Variants in GABRB2 observed in about 807,000 individuals in gnomAD.
The protein encoded by GABRB2 is gamma-aminobutyric acid receptor subunit beta-2.
In GABRB2, 16 loss-of-function variants were observed where a neutral mutation model predicts 54.7. The ratio of observed to expected loss-of-function variants is 0.29; its 90% confidence interval spans 0.20 to 0.44. The LOEUF is 0.44. Ranked by LOEUF, GABRB2 falls within the 20% of genes least tolerant of loss-of-function variation. GABRB2 has a pLI of 1.00. For missense variants in GABRB2, 355 were observed against 644.0 expected (o/e 0.55, Z 4.86); for synonymous variants, 244 against 233.8 (o/e 1.04, Z -0.40).
chr5:161,420,300 G>A (rs1364094095), intron 4 of GABRB2, among the ~76,000 whole-genome samples: 1 of 152,188 alleles, frequency 6.6e-6, no homozygotes, highest in African/African-American at 2.4e-5. Context: ...GACAGCCTCA[G>A]CTGGGTCTCT....
chr5:161,352,396 C>T (rs1454793215), intron 5 of GABRB2, among the ~76,000 whole-genome samples: 1 of 151,872 alleles, frequency 6.6e-6, no homozygotes, highest in African/African-American at 2.4e-5. Context: ...AAAATCCTGT[C>T]ATTTGCGACA....
chr5:161,311,095 T>C (rs574446796), intron 9 of GABRB2, among the ~76,000 whole-genome samples: 99 of 152,276 alleles, frequency 6.5e-4, no homozygotes, highest in African/African-American at 2.3e-3. Flanking sequence ...AATGCCCTCA[T>C]GTAAGTCCCC....
intron 4 of GABRB2, among the ~76,000 whole-genome samples, chr5:161,415,532 A>G (rs1756638123): frequency 6.6e-6 from 1 of 152,224 alleles, no homozygotes; most frequent in Non-Finnish European, 1.5e-5. Context: ...TACCAAAGCC[A>G]TACGAAATAT....
At chr5:161,538,315 T>C (rs1760705591) in intron 3 of GABRB2, among the ~76,000 whole-genome samples, 1 of 152,150 alleles carries the variant, frequency 6.6e-6, no homozygotes, top group Admixed American at 6.5e-5. Flanking sequence ...ATGTAATTTA[T>C]AAACATGATG....
At chr5:161,409,419 T>A (rs1206085362) in intron 5 of GABRB2, among the ~76,000 whole-genome samples, 1 of 152,134 alleles carries the variant, frequency 6.6e-6, no homozygotes, top group African/African-American at 2.4e-5. Flanking sequence ...AGAAAAACAC[T>A]TGGGTGTTGC....
chr5:161,330,108 T>C (rs1016025366), intron 8 of GABRB2: 2 of 152,220 alleles, frequency 1.3e-5, no homozygotes, highest in Non-Finnish European at 2.9e-5. Flanking sequence ...TTCAGTATTT[T>C]TTTTTAATCT....
chr5:161,502,321 A>G (rs1759469534), intron 3 of GABRB2, among the ~76,000 whole-genome samples: 1 of 152,114 alleles, frequency 6.6e-6, no homozygotes, highest in South Asian at 2.1e-4. Flanking sequence ...TACTTTCATT[A>G]TTTAATATAC....
intron 3 of GABRB2, among the ~76,000 whole-genome samples, chr5:161,500,961 T>C (rs1306560767): frequency 6.6e-6 from 1 of 152,000 alleles, no homozygotes; most frequent in Non-Finnish European, 1.5e-5. Flanking sequence ...ATTAAGCATA[T>C]CTCCCAATGC....
At chr5:161,459,093 G>A (rs186735843) in intron 4 of GABRB2, 2 of 154,786 alleles carry the variant, frequency 1.3e-5, no homozygotes, top group Admixed American at 6.3e-5. Flanking sequence ...GAGTATCACA[G>A]TTATTTCCTG....
chr5:161,455,777 C>T lies in GABRB2; in HGVS notation c.458+3847G>A, dbSNP rs374989273. On this transcript the variant is annotated intron_variant, in intron 4 of 9. Transcript: ENST00000393959. ...TGAACTCCTGAGGTCAAGCAATCTG[C>T]CCACCTCAGCCTCCCAAAGTGCTGA... Among the ~76,000 whole-genome samples, 131 of 152,142 alleles carry T rather than the reference C, an allele frequency of 8.6e-4. 1 individual carries two copies. The South Asian group carries it at 0.026, about 30-fold the overall frequency.
chr5:161,296,506 T>C (rs1201392628), intron 9 of GABRB2, among the ~76,000 whole-genome samples: 1 of 152,236 alleles, frequency 6.6e-6, no homozygotes, highest in South Asian at 2.1e-4. Context: ...TTGGCAGCTA[T>C]GGATTCCTAT....
At chr5:161,472,427 C>T (rs576978051) in intron 3 of GABRB2, among the ~76,000 whole-genome samples, 15 of 151,446 alleles carry the variant, frequency 9.9e-5, no homozygotes, top group South Asian at 2.1e-4. Context: ...CACACATACA[C>T]GCACACACAC....
chr5:161,315,337 T>G (rs1757991005), intron 9 of GABRB2, among the ~76,000 whole-genome samples: 1 of 152,138 alleles, frequency 6.6e-6, no homozygotes, highest in African/African-American at 2.4e-5. Flanking sequence ...GTTCACTGAA[T>G]CAGGTGCGAT....
intron 3 of GABRB2, among the ~76,000 whole-genome samples, chr5:161,531,700 T>C (rs578156361): frequency 3.3e-5 from 5 of 151,932 alleles, no homozygotes; most frequent in South Asian, 2.1e-4. Context: ...TAATCTTCCA[T>C]TATTAATCAC....
chr5:161,428,288 C>CGTGT (rs71302909), intron 4 of GABRB2, among the ~76,000 whole-genome samples: 8,335 of 145,218 alleles, frequency 0.057, 524 homozygotes, highest in African/African-American at 0.15. Flanking sequence ...CAGAGAGTTA[C>CGTGT]GTGTGTGTGT....
At chr5:161,498,077 T>C (rs572197498) in intron 3 of GABRB2, among the ~76,000 whole-genome samples, 1 of 152,248 alleles carries the variant, frequency 6.6e-6, no homozygotes, top group South Asian at 2.1e-4. Context: ...AGCTAACACA[T>C]AATGCAGCCA....
intron 3 of GABRB2, among the ~76,000 whole-genome samples, chr5:161,534,242 G>T (rs1434993229): frequency 1.3e-5 from 2 of 152,102 alleles, no homozygotes; most frequent in African/African-American, 2.4e-5. Flanking sequence ...CATCCATTAG[G>T]TAGAAGCAAG....
chr5:161,546,288 G>A (rs1029992698), intron 2 of GABRB2, 34 bp downstream of exon 2: 2 of 1,561,396 alleles, frequency 1.3e-6, no homozygotes. Context: ...AGCTTCGGCT[G>A]TGGCTGGACT....
At chr5:161,325,996 A>G (rs1758350563) in intron 9 of GABRB2, among the ~76,000 whole-genome samples, 1 of 152,126 alleles carries the variant, frequency 6.6e-6, no homozygotes, top group African/African-American at 2.4e-5. Context: ...GAAATGTTTA[A>G]TTCACCTATT....
Sources: gnomAD v4.1 joint callset for allele counts (sites outside exome capture counted in the v4.1 genomes callset) on GRCh38, gnomAD v4.1.1 for gene constraint, MANE v1.5 for transcripts, NCBI Gene and HGNC (gene_info 2026-07-23, HGNC 2026-07-21) for gene names.